BCL6: variants seen among roughly 807,000 people sequenced by gnomAD.
BCL6 encodes the protein B-cell lymphoma 6 protein.
BCL6 carries 7 observed loss-of-function variants against 59.5 expected under a neutral mutation model. The observed-to-expected ratio is 0.12, with a 90% CI of 0.07 to 0.22. The LOEUF (loss-of-function observed/expected upper bound fraction) is 0.22. Among genes scored for constraint, BCL6 ranks in the 10% least tolerant of loss-of-function variants. The pLI, the probability that BCL6 is intolerant of heterozygous loss-of-function variation, is 1.00. For missense variants in BCL6, 685 were observed against 939.4 expected (o/e 0.73, Z 3.54); for synonymous variants, 339 against 349.7 (o/e 0.97, Z 0.34).
rs556515519 is a variant in BCL6, at chr3:187,738,298, G to A, written c.-49-3391C>T. ...GGGGAATGTTTGAGCGAGACTTCAAGGTCAAAAGATGGAGTCCCTAGGGGC... is the reference window on the plus strand; with the variant it reads ...GGGGAATGTTTGAGCGAGACTTCAAAGTCAAAAGATGGAGTCCCTAGGGGC... On this transcript the variant is annotated intron_variant, in intron 1 of 9. Transcript: ENST00000406870. Among the ~76,000 whole-genome samples, 9 of 152,282 alleles carry A rather than the reference G, an allele frequency of 5.9e-5. No individual in the cohort carries two copies. The East Asian group carries it at 1.4e-3, about 23-fold the overall frequency.
At chr3:187,736,379 A>G (rs1375021798) in intron 1 of BCL6, 1 of 152,290 alleles carries the variant, frequency 6.6e-6, no homozygotes, top group Non-Finnish European at 1.5e-5. Flanking sequence ...AGAAAGCTGA[A>G]GACACATGGG....
chr3:187,722,708 T>A, intron 9 of BCL6, 107 bp from the exon 10 acceptor site: 1 of 1,440,418 alleles, frequency 6.9e-7, no homozygotes, highest in African/African-American at 1.4e-5. Flanking sequence ...CTGGGGCAGC[T>A]CTTGCCTCTC....
At chr3:187,743,022 C>CTTTT (rs3054746) in intron 1 of BCL6, among the ~76,000 whole-genome samples, 2,366 of 146,562 alleles carry the variant, frequency 0.016, 30 homozygotes, top group South Asian at 0.031. Context: ...GCCGCCCCCT[C>CTTTT]TTTTTTTTTT....
chr3:187,730,137 A>C, intron 4 of BCL6, 116 bp from the exon 5 acceptor site: 1 of 1,390,744 alleles, frequency 7.2e-7, no homozygotes, highest in Non-Finnish European at 9.6e-7. Flanking sequence ...GACATAGGTG[A>C]CGTGGCTCTG....
In BCL6 at chr3:187,725,243, C is replaced by G. The variant is rs1168073966; in HGVS notation, c.1840-165G>C. 6.6e-6 allele frequency among the ~76,000 whole-genome samples: 1 copy of G among 151,788 alleles called. No homozygotes were observed. The highest frequency in any genetic ancestry group is 1.5e-5 in the Non-Finnish European group (1 of 67,924). On this transcript the variant is annotated intron_variant, in intron 8 of 9. Coordinates refer to ENST00000406870, the MANE Select transcript of BCL6 (RefSeq NM_001706.5). The surrounding 1 kb of genome is among the most constrained non-coding windows in gnomAD (Gnocchi z 4.7). ...TCTGCTGCCCACTCTGCTCACCTGC[C>G]CACTCCTCTGCTCACCTGCCCACTC...
chr3:187,731,676 A>G, intron 4 of BCL6, 33 bp downstream of exon 4: 2 of 1,603,470 alleles, frequency 1.2e-6, no homozygotes, highest in Non-Finnish European at 1.7e-6. Flanking sequence ...TATCTCTTCC[A>G]TCTCCGACGC....
chr3:187,742,923 G>A (rs1711662824), intron 1 of BCL6, among the ~76,000 whole-genome samples: 1 of 152,302 alleles, frequency 6.6e-6, no homozygotes, highest in Admixed American at 6.5e-5. Context: ...TTCAACTTGG[G>A]CTGCAGATTT....
intron 1 of BCL6, among the ~76,000 whole-genome samples, chr3:187,742,483 A>T (rs1711642609): frequency 6.6e-6 from 1 of 152,210 alleles, no homozygotes; most frequent in African/African-American, 2.4e-5. Flanking sequence ...GCAATTGGAG[A>T]ATTCCCACTT....
chr3:187,732,022 C>T, intron 3 of BCL6, 92 bp from the exon 4 acceptor site: 2 of 1,077,096 alleles, frequency 1.9e-6, no homozygotes, highest in Non-Finnish European at 1.4e-6. Context: ...TTCCCCTGGG[C>T]CTACCTCCAG....
At chr3:187,741,458 C>G (rs926620935) in intron 1 of BCL6, among the ~76,000 whole-genome samples, 2 of 152,054 alleles carry the variant, frequency 1.3e-5, no homozygotes, top group Admixed American at 6.5e-5. Context: ...GGGCCGAGTG[C>G]TGGATCCCAC....
At chr3:187,745,359 G>A (rs1711904520) in intron 1 of BCL6, 51 bp downstream of exon 1, 3 of 397,072 alleles carry the variant, frequency 7.6e-6, no homozygotes, top group African/African-American at 2.1e-5. Context: ...CGGCAACAGC[G>A]GCGGCGGCGG....
At chr3:187,740,701 A>T (rs1272291919) in intron 1 of BCL6, among the ~76,000 whole-genome samples, 1 of 152,196 alleles carries the variant, frequency 6.6e-6, no homozygotes, top group Non-Finnish European at 1.5e-5. Context: ...TGCAAAACAG[A>T]GTTGTACGTC....
chr3:187,741,439 G>A (rs1711588786), intron 1 of BCL6, among the ~76,000 whole-genome samples: 1 of 152,128 alleles, frequency 6.6e-6, no homozygotes, highest in African/African-American at 2.4e-5. Context: ...CGGAGGAAAG[G>A]GGCGCTGGGG....
chr3:187,738,694 A>C (rs1188246077), intron 1 of BCL6, among the ~76,000 whole-genome samples: 1 of 152,176 alleles, frequency 6.6e-6, no homozygotes, highest in Non-Finnish European at 1.5e-5. Flanking sequence ...TCAGCCACAA[A>C]GGCCGCAGTC....
chr3:187,737,828 A>C (rs1719362677), intron 1 of BCL6: 1 of 129,016 alleles, frequency 7.8e-6, no homozygotes, highest in Non-Finnish European at 1.5e-5. Context: ...CAGCCCTCTC[A>C]TTCCCGGAAC....
chr3:187,742,408 G>C (rs1711639938), intron 1 of BCL6, among the ~76,000 whole-genome samples: 1 of 152,156 alleles, frequency 6.6e-6, no homozygotes, highest in Non-Finnish European at 1.5e-5. Context: ...ACCAAACCCA[G>C]AATAAGTTAG....
chr3:187,744,865 A>T (rs555704439), intron 1 of BCL6, among the ~76,000 whole-genome samples: 2 of 152,248 alleles, frequency 1.3e-5, no homozygotes, highest in East Asian at 1.9e-4. Flanking sequence ...AGCCGCACGA[A>T]TCCAGAGAGA....
Position 187,744,783 on chromosome 3 carries a change from G to A in BCL6, c.-50+627C>T, listed in dbSNP as rs541807336. Among the ~76,000 whole-genome samples the A allele has an allele frequency of 3.1e-4, 46 of 150,492 alleles. No homozygotes were observed. The South Asian group carries it at 4.3e-3, about 14-fold the overall frequency. ...AAGAAGAGGCGAGGAAAAAGAGGAG[G>A]GAGGGAAGCGGAGGCCAGGAGCGAC... On this transcript the variant is annotated intron_variant, in intron 1 of 9. Transcript: ENST00000406870.
chr3:187,745,002 G>C (rs569038288), intron 1 of BCL6, among the ~76,000 whole-genome samples: 1 of 151,688 alleles, frequency 6.6e-6, no homozygotes, highest in Admixed American at 6.6e-5. Flanking sequence ...CGTCCTCTCT[G>C]CTCCGGCCGC....
Sources: gnomAD v4.1 joint callset for allele counts (sites outside exome capture counted in the v4.1 genomes callset) on GRCh38, gnomAD v4.1.1 for gene constraint, Gnocchi (gnomAD v3.1) non-coding constraint, MANE v1.5 for transcripts, NCBI Gene and HGNC (gene_info 2026-07-23, HGNC 2026-07-21) for gene names.